SPATA13: variants seen among roughly 807,000 people sequenced by gnomAD.
SPATA13 encodes spermatogenesis associated 13, also known as spermatogenesis-associated protein 13.
SPATA13 carries 50 observed loss-of-function variants against 104.0 expected under a neutral mutation model. The ratio of observed to expected loss-of-function variants is 0.48; its 90% confidence interval spans 0.38 to 0.61. SPATA13 has a LOEUF of 0.61. Among genes scored for constraint, SPATA13 ranks in the 20% least tolerant of loss-of-function variants. The pLI is 0.00. For synonymous variants in SPATA13, 606 were observed against 667.5 expected, an observed-to-expected ratio of 0.91 and a Z score of 1.42; for missense variants, 1,524 against 1,690.6, an observed-to-expected ratio of 0.90 and a Z score of 1.73.
At chr13:24,050,374 T>C (rs1025899907) in intron 3 of SPATA13, among the ~76,000 whole-genome samples, 5 of 152,216 alleles carry the variant, frequency 3.3e-5, no homozygotes, top group Admixed American at 6.5e-5. Context: ...ATTTCCCCGC[T>C]TGACTCATCC....
rs992328419 is a variant in SPATA13 at position 24,095,759 on chromosome 13, C to T, written c.-112+78058C>T. ...AATTTGGTTCCCTGGGTTAACTTTC[C>T]CAACCATCCTGTCCCAAACAAGTGT... On this transcript the variant is annotated intron_variant, in intron 3 of 14. Transcript: ENST00000424834. Among the ~76,000 whole-genome samples, 5 of 152,208 alleles carry T rather than the reference C, an allele frequency of 3.3e-5. No homozygotes were observed. In the South Asian group the frequency reaches 6.2e-4, roughly 19 times the overall value.
intron 3 of SPATA13, among the ~76,000 whole-genome samples, chr13:24,067,436 A>G (rs1879003444): frequency 6.6e-6 from 1 of 152,206 alleles, no homozygotes; most frequent in South Asian, 2.1e-4. Context: ...CATAAAAAGC[A>G]AGACATAAAG....
rs115243840 is a variant in SPATA13 at position 24,039,573 on chromosome 13, C to A, written c.-112+21872C>A. Among the ~76,000 whole-genome samples, 1,020 of 152,266 alleles carry A rather than the reference C, an allele frequency of 6.7e-3. 20 individuals carry two copies. The highest frequency in any genetic ancestry group is 0.022 in the African/African-American group (896 of 41,552). On this transcript the variant is annotated intron_variant, in intron 3 of 14. Transcript: ENST00000424834. ...CATAAAAGGGCATTTTTCTTTCTCACTCTCAATAGGAATTCTTGGGCCTCG... is the reference window on the plus strand; with the variant it reads ...CATAAAAGGGCATTTTTCTTTCTCAATCTCAATAGGAATTCTTGGGCCTCG...
At position 24,088,738 on chromosome 13, in the gene SPATA13, G is replaced by T. The variant is rs934112687; in HGVS notation, c.-112+71037G>T. 3.3e-5 allele frequency among the ~76,000 whole-genome samples: 5 copies of T among 152,182 alleles called. No individual in the cohort carries two copies. The highest frequency in any genetic ancestry group is 7.3e-5 in the Non-Finnish European group (5 of 68,032). On this transcript the variant is annotated intron_variant, in intron 3 of 14. Transcript: ENST00000424834. This position sits in a 1 kb window ranked among gnomAD's most constrained non-coding sequence, Gnocchi z 4.3. ...CTTCTCACTGAGAGCTGCGTTTCCA[G>T]GGCCAGGTGCTGAGCCAGTTCTGAG... is the stretch of plus-strand genomic sequence containing the variant.
intron 1 of SPATA13, among the ~76,000 whole-genome samples, chr13:24,192,657 C>A (rs1869828536): frequency 6.6e-6 from 1 of 152,164 alleles, no homozygotes; most frequent in South Asian, 2.1e-4. Context: ...TAGGTCTGCA[C>A]ACCTGCCCTG....
chr13:24,040,554 A>G (rs1269790569), intron 3 of SPATA13, among the ~76,000 whole-genome samples: 1 of 152,110 alleles, frequency 6.6e-6, no homozygotes, highest in Non-Finnish European at 1.5e-5. Flanking sequence ...TGGACATTGG[A>G]AGGCAAGGGT....
rs35668729 is a variant in SPATA13, at chr13:24,251,972, C to T, written c.2164+110C>T. On this transcript the variant is annotated intron_variant, in intron 4 of 12. Transcript: ENST00000382108. ...CCTTCGCGCCTCCCTTGGGCCAGGG[C>T]GCGTTTGTCTGGGAGTGAGGACGGC... 9,513 of 1,386,758 alleles carry T rather than the reference C, an allele frequency of 6.9e-3. 48 individuals carry two copies. The highest frequency in any genetic ancestry group is 8.6e-3 in the Non-Finnish European group (8,860 of 1,030,368). The allele number at this position is 1,386,758 out of a possible 1,614,324, so 85.9% of individuals were successfully genotyped here.
intron 3 of SPATA13, among the ~76,000 whole-genome samples, chr13:24,022,385 C>T (rs1312084599): frequency 2.0e-5 from 3 of 152,170 alleles, no homozygotes; most frequent in Non-Finnish European, 2.9e-5. Flanking sequence ...TGATAAAGCA[C>T]TTGTAAAACT....
chr13:23,997,694 G>A lies in SPATA13; in HGVS notation c.-147+13761G>A, dbSNP rs560653970. On this transcript the variant is annotated intron_variant, in intron 2 of 14. Coordinates refer to the SPATA13 transcript ENST00000424834. ...AGGAAGCTTCTAATTACAGTGGAAGGTGAAGGGGGAGCAGGCGTGTCACAT... is the reference window on the plus strand; with the variant it reads ...AGGAAGCTTCTAATTACAGTGGAAGATGAAGGGGGAGCAGGCGTGTCACAT... Among the ~76,000 whole-genome samples, 21 of 152,294 alleles carry A rather than the reference G, an allele frequency of 1.4e-4. No individual in the cohort carries two copies. In the South Asian group the frequency reaches 4.1e-3, roughly 30 times the overall value.
intron 3 of SPATA13, among the ~76,000 whole-genome samples, chr13:24,080,093 T>C (rs1879459347): frequency 6.6e-6 from 1 of 152,246 alleles, no homozygotes; most frequent in Non-Finnish European, 1.5e-5. Flanking sequence ...GAAAGTGAAC[T>C]GTGAATTATG....
rs1871776301 is a variant in SPATA13, at chr13:24,224,012, C to T, written c.1083C>T (p.Tyr361=). The change falls in exon 2 of 13, where the codon TAC becomes TAT. Residue 361 remains tyrosine (Y), a synonymous_variant. Coordinates refer to ENST00000382108, the MANE Select transcript of SPATA13 (RefSeq NM_001166271.3). The part of the protein sequence containing the change: ...LQAHSRLHDD[Y]SRRVSRSTEQ... ...CACACAGCCGGCTGCATGACGACTA[C>T]TCCCGCCGCGTCTCCAGGAGCACTG... The T allele has an allele frequency of 6.5e-7, 1 of 1,548,560 alleles. No homozygotes were observed. Among genetic ancestry groups the T allele is most frequent in the African/African-American group, 1.4e-5 (1 of 73,134 alleles).
chr13:24,282,079 G>A (rs535502380), intron 4 of SPATA13, among the ~76,000 whole-genome samples: 1 of 152,122 alleles, frequency 6.6e-6, no homozygotes, highest in East Asian at 1.9e-4. Flanking sequence ...TACAGAATTG[G>A]TTGCTTGTGA....
intron 2 of SPATA13, among the ~76,000 whole-genome samples, chr13:23,990,953 G>C (rs1288439405): frequency 6.6e-6 from 1 of 152,200 alleles, no homozygotes; most frequent in Non-Finnish European, 1.5e-5. Flanking sequence ...GGCAAGAAGA[G>C]AAAGCTGAGT....
intron 2 of SPATA13, among the ~76,000 whole-genome samples, chr13:23,987,096 G>T (rs1875184510): frequency 6.7e-6 from 1 of 150,128 alleles, no homozygotes; most frequent in Non-Finnish European, 1.5e-5. Flanking sequence ...TATTTTAAAT[G>T]AACTAGAGGA....
In SPATA13 at chr13:24,286,101, C is replaced by T. The variant is rs1264805244; in HGVS notation, c.2302-113C>T. 5.1e-6 allele frequency: 5 copies of T among 986,950 alleles called. No individual in the cohort carries two copies. Among genetic ancestry groups the T allele is most frequent in the Admixed American group, 2.4e-5 (1 of 42,056 alleles). The allele number at this position is 986,950 out of a possible 1,614,324, so 61.1% of individuals were successfully genotyped here. A position where few individuals can be genotyped will look rare whatever the true frequency, so the allele number is the denominator to read the frequency against. The stretch of plus-strand genomic sequence containing the variant: ...GTCAGTGTGGACCAAATGCCACCAG[C>T]ATATCCAAGTGAGAGGATACCAGTG... On this transcript the variant is annotated intron_variant, in intron 5 of 12. Coordinates refer to ENST00000382108, the MANE Select transcript of SPATA13 (RefSeq NM_001166271.3). The surrounding 1 kb of genome is among the most constrained non-coding windows in gnomAD (Gnocchi z 4.9).
At chr13:24,300,679 G>T in intron 12 of SPATA13, 1 of 573,066 alleles carries the variant, frequency 1.7e-6, no homozygotes, top group Non-Finnish European at 3.1e-6. Flanking sequence ...GCTTCCATTG[G>T]AATGTGGGCA....
chr13:24,148,000 T>C (rs1410039903), intron 3 of SPATA13, among the ~76,000 whole-genome samples: 1 of 152,236 alleles, frequency 6.6e-6, no homozygotes, highest in Non-Finnish European at 1.5e-5. Context: ...CATCCACCAC[T>C]GGACACCTGG....
At chr13:24,163,535 T>C (rs1882600151) in intron 1 of SPATA13, among the ~76,000 whole-genome samples, 1 of 152,252 alleles carries the variant, frequency 6.6e-6, no homozygotes, top group African/African-American at 2.4e-5. Flanking sequence ...ATGAGTCTTA[T>C]TTATATCCAT....
intron 1 of SPATA13, among the ~76,000 whole-genome samples, chr13:24,214,266 C>T (rs531779275): frequency 6.6e-6 from 1 of 152,346 alleles, no homozygotes; most frequent in East Asian, 1.9e-4. Context: ...AGGCCAGATG[C>T]ATGTACAATA....
Sources: allele counts gnomAD v4.1 joint callset (sites outside exome capture counted in the v4.1 genomes callset), GRCh38; gene constraint gnomAD v4.1.1; non-coding constraint Gnocchi (gnomAD v3.1); transcripts MANE v1.5; gene names NCBI Gene and HGNC (gene_info 2026-07-23, HGNC 2026-07-21).